IKZF3: variants seen among roughly 807,000 people sequenced by gnomAD.
IKZF3 encodes IKAROS family zinc finger 3.
In IKZF3, 10 loss-of-function variants were observed where a neutral mutation model predicts 49.0. That is an observed-to-expected ratio of 0.20 (90% CI 0.13 to 0.35). The LOEUF is 0.35. IKZF3 is among the 10% of genes least tolerant of loss of function. The probability of loss-of-function intolerance (pLI) is 1.00; values close to 1 mark genes in which losing one functional copy is unlikely to be tolerated. For missense variants in IKZF3, 498 were observed against 664.8 expected (o/e 0.75, Z 2.76); for synonymous variants, 209 against 228.2 (o/e 0.92, Z 0.76).
At chr17:39,806,947 A>C (rs2061443218) in intron 3 of IKZF3, among the ~76,000 whole-genome samples, 1 of 152,180 alleles carries the variant, frequency 6.6e-6, no homozygotes, top group Non-Finnish European at 1.5e-5. Flanking sequence ...CCTCCAGTGA[A>C]GAAACGAGGC....
intron 1 of IKZF3, chr17:39,835,205 C>G (rs764948084): frequency 1.2e-5 from 6 of 517,620 alleles, no homozygotes; most frequent in Non-Finnish European, 1.9e-5. Flanking sequence ...GCATCCCAGA[C>G]TTCAGCTGGC....
intron 3 of IKZF3, among the ~76,000 whole-genome samples, chr17:39,829,138 G>C (rs1036359839): frequency 3.9e-5 from 6 of 152,140 alleles, no homozygotes; most frequent in Admixed American, 3.9e-4. Context: ...TTTTATAATG[G>C]AAAATAGTCA....
At chr17:39,836,034 A>G (rs540343538) in intron 1 of IKZF3, 43 of 636,860 alleles carry the variant, frequency 6.8e-5, no homozygotes, top group South Asian at 6.5e-4. Context: ...CTGCCGCAGG[A>G]GGCTCTACTT....
At chr17:39,850,217 TTATG>T (rs1180626720) in intron 1 of IKZF3, among the ~76,000 whole-genome samples, 2 of 142,398 alleles carry the variant, frequency 1.4e-5, no homozygotes, top group African/African-American at 2.6e-5. Flanking sequence ...ATATAACATA[TTATG>T]TATGTATATA....
In IKZF3 at chr17:39,864,305, G is replaced by C. The variant is rs2063301237; in HGVS notation, c.-179C>G. ...GCAGGAGCCGGCGACCTGCCGGTGC[G>C]CGGGGTTACAGCGGCGCTGGCTGGC... is the stretch of plus-strand genomic sequence containing the variant. On this transcript the variant is annotated 5_prime_UTR_variant, in exon 1 of 8. Transcript: ENST00000346872. 1.6e-6 allele frequency: 1 copy of C among 639,034 alleles called. No homozygotes were observed. Among genetic ancestry groups the C allele is most frequent in the Non-Finnish European group, 2.6e-6 (1 of 384,762 alleles). The allele number at this position is 639,034 out of a possible 1,614,324, so 39.6% of individuals were successfully genotyped here.
At chr17:39,789,312 C>T (rs2060952542) in intron 5 of IKZF3, among the ~76,000 whole-genome samples, 1 of 152,202 alleles carries the variant, frequency 6.6e-6, no homozygotes, top group Admixed American at 6.5e-5. Context: ...CGCCTGTAAT[C>T]TCAGCACTTT....
intron 3 of IKZF3, among the ~76,000 whole-genome samples, chr17:39,800,618 G>A (rs2061293455): frequency 1.3e-5 from 2 of 152,142 alleles, no homozygotes; most frequent in South Asian, 4.1e-4. Flanking sequence ...CTTTGTCTAT[G>A]TTTTCAGGCC....
intron 1 of IKZF3, chr17:39,835,016 G>C (rs1015266481): frequency 2.4e-6 from 1 of 411,866 alleles, no homozygotes; most frequent in Non-Finnish European, 4.7e-6. Flanking sequence ...TCGTGGTCTT[G>C]ATCTTCTTCA....
At chr17:39,813,953 C>T (rs2061620771) in intron 3 of IKZF3, among the ~76,000 whole-genome samples, 1 of 152,232 alleles carries the variant, frequency 6.6e-6, no homozygotes, top group Admixed American at 6.5e-5. Flanking sequence ...CGCGGTCTCT[C>T]CCAGCTCGCT....
At position 39,777,856 on chromosome 17, in the gene IKZF3, A is replaced by C. The variant is rs1316393633; in HGVS notation, c.710-89T>G. 6 of 1,548,662 alleles carry C rather than the reference A, an allele frequency of 3.9e-6. No individual in the cohort carries two copies. The East Asian group carries it at 1.4e-4, about 35-fold the overall frequency. On this transcript the variant is annotated intron_variant, in intron 6 of 7. Transcript: ENST00000346872. Reference sequence around the variant, plus strand: ...AATAAACTGGAAGGAGAAGTGTCCGAAGTTGGATGCACACTCTATTGTTGT... The same window carrying C: ...AATAAACTGGAAGGAGAAGTGTCCGCAGTTGGATGCACACTCTATTGTTGT...
intron 1 of IKZF3, among the ~76,000 whole-genome samples, chr17:39,840,884 G>A (rs1056085268): frequency 6.6e-6 from 1 of 152,120 alleles, no homozygotes; most frequent in Non-Finnish European, 1.5e-5. Context: ...AATGAGGTAA[G>A]GAGGGTTTCA....
intron 1 of IKZF3, among the ~76,000 whole-genome samples, chr17:39,851,710 G>A (rs949146925): frequency 1.3e-5 from 2 of 152,100 alleles, no homozygotes; most frequent in Non-Finnish European, 2.9e-5. Flanking sequence ...TGATGCAAGT[G>A]TTCCATATAT....
rs1210916781 is a variant in IKZF3, at chr17:39,760,773, T to C, written c.*5017A>G. 3 of 152,242 alleles carry C rather than the reference T, an allele frequency of 2.0e-5. No individual in the cohort carries two copies. The highest frequency in any genetic ancestry group is 4.4e-5 in the Non-Finnish European group (3 of 68,044). The allele number at this position is 152,242 out of a possible 1,614,324, so 9.4% of individuals were successfully genotyped here. ...GAAACAAAGCCGAAAAGAAAAACTT[T>C]ATGTGGATGTGAGATTTGATAGTAA... On this transcript the variant is annotated 3_prime_UTR_variant, in exon 8 of 8. Transcript: ENST00000346872.
chr17:39,767,416 G>A (rs967043417), intron 7 of IKZF3, among the ~76,000 whole-genome samples: 5 of 152,168 alleles, frequency 3.3e-5, no homozygotes, highest in African/African-American at 1.2e-4. Context: ...ACTGCAGTGA[G>A]GGCAGATGTG....
At chr17:39,798,417 A>G (rs2061227765) in intron 3 of IKZF3, among the ~76,000 whole-genome samples, 1 of 152,176 alleles carries the variant, frequency 6.6e-6, no homozygotes. Context: ...TTAGATCTTT[A>G]ACTAAAGAGC....
chr17:39,812,627 T>C (rs1382405271), intron 3 of IKZF3, among the ~76,000 whole-genome samples: 1 of 152,208 alleles, frequency 6.6e-6, no homozygotes, highest in African/African-American at 2.4e-5. Flanking sequence ...AGCTATCAAA[T>C]GGCACCAAGG....
At chr17:39,817,108 T>C in intron 3 of IKZF3, among the ~76,000 whole-genome samples, 1 of 152,222 alleles carries the variant, frequency 6.6e-6, no homozygotes, top group East Asian at 1.9e-4. Flanking sequence ...TAGAAATTAG[T>C]CTGTCTTTCC....
Position 39,792,941 on chromosome 17 carries a change from G to C in IKZF3, c.164-8C>G, listed in dbSNP as rs1158508257. 1 of 1,609,926 alleles carries C rather than the reference G, an allele frequency of 6.2e-7. No individual in the cohort carries two copies. Among genetic ancestry groups the C allele is most frequent in the Non-Finnish European group, 8.5e-7 (1 of 1,178,264 alleles). On this transcript the variant is annotated splice_polypyrimidine_tract_variant and splice_region_variant and intron_variant, in intron 3 of 7. Transcript: ENST00000346872. ...TCACTTTCATTGAATCATCTGCAGGGAAGAAAATGCAAGAAATGAACAACG... is the reference window on the plus strand; with the variant it reads ...TCACTTTCATTGAATCATCTGCAGGCAAGAAAATGCAAGAAATGAACAACG...
intron 3 of IKZF3, among the ~76,000 whole-genome samples, chr17:39,797,262 A>G (rs1321496958): frequency 6.6e-6 from 1 of 151,988 alleles, no homozygotes; most frequent in Non-Finnish European, 1.5e-5. Context: ...CGCCTCCACA[A>G]TTCACTTAAT....
Sources: gnomAD v4.1 joint callset for allele counts (sites outside exome capture counted in the v4.1 genomes callset) on GRCh38, gnomAD v4.1.1 for gene constraint, MANE v1.5 for transcripts, NCBI Gene and HGNC (gene_info 2026-07-23, HGNC 2026-07-21) for gene names.